CMTM8: variants seen among roughly 807,000 people sequenced by gnomAD.
CMTM8 encodes CKLF like MARVEL transmembrane domain containing 8.
Under a neutral mutation model 18.6 loss-of-function variants are expected in CMTM8, and 12 were observed. The ratio of observed to expected loss-of-function variants is 0.65; its 90% CI spans 0.41 to 1.05. CMTM8 has a LOEUF of 1.05. Ranked by LOEUF, CMTM8 falls within the 50% of genes least tolerant of loss-of-function variation. CMTM8 has a pLI of 0.00. For missense variants in CMTM8, 217 were observed against 227.2 expected (o/e 0.95, Z 0.29); for synonymous variants, 87 against 90.6 (o/e 0.96, Z 0.23).
In CMTM8 at chr3:32,239,046, C is replaced by T; in HGVS notation, c.74C>T (p.Thr25Ile). The change falls in exon 1 of 4, where the codon ACC becomes ATC. Residue 25 changes from threonine to isoleucine, a missense_variant. Thr to Ile is a moderately conservative substitution (Grantham distance 89). Transcript: ENST00000307526. ...TASSFAENFS[T>I]SSSSFAYDRE... ...AGCTCCTTCGCAGAGAACTTCTCCA[C>T]CAGCAGCAGCAGCTTCGCCTACGAC... 6.3e-7 allele frequency: 1 copy of T among 1,590,316 alleles called. No homozygotes were observed. The highest frequency in any genetic ancestry group is 8.6e-7 in the Non-Finnish European group (1 of 1,169,014).
chr3:32,243,531 A>AG (rs1491131456), intron 1 of CMTM8, among the ~76,000 whole-genome samples: 1 of 47,976 alleles, frequency 2.1e-5, no homozygotes, highest in Admixed American at 3.6e-4. Context: ...ACCCTGTCTC[A>AG]AAAAAAAAAA....
chr3:32,285,625 G>A (rs983002566), intron 1 of CMTM8, among the ~76,000 whole-genome samples: 1 of 152,074 alleles, frequency 6.6e-6, no homozygotes, highest in Non-Finnish European at 1.5e-5. Flanking sequence ...ATAAAGTACT[G>A]TAGTTACATA....
At position 32,349,150 on chromosome 3, in the gene CMTM8, C is replaced by A. The variant is rs148919012; in HGVS notation, c.148-8223C>A. On this transcript the variant is annotated intron_variant, in intron 1 of 3. Coordinates refer to ENST00000307526, the MANE Select transcript of CMTM8 (RefSeq NM_178868.5). Reference sequence around the variant, plus strand: ...TTGTTTTTTGGTTTTTGCTCTCTGCCCTGTTATATAGGCTTTGCTTTCTTC... The same window carrying A: ...TTGTTTTTTGGTTTTTGCTCTCTGCACTGTTATATAGGCTTTGCTTTCTTC... Among the ~76,000 whole-genome samples the A allele has an allele frequency of 5.0e-3, 763 of 151,808 alleles. 4 individuals are homozygous for A. Among genetic ancestry groups the A allele is most frequent in the African/African-American group, 0.018 (726 of 41,358 alleles).
At chr3:32,345,078 GC>G (rs1282589103) in intron 1 of CMTM8, among the ~76,000 whole-genome samples, 1 of 152,092 alleles carries the variant, frequency 6.6e-6, no homozygotes, top group Non-Finnish European at 1.5e-5. Context: ...GGTGGCTCAC[GC>G]CTGTAATCCT....
intron 2 of CMTM8, among the ~76,000 whole-genome samples, chr3:32,361,803 A>T (rs997932422): frequency 2.6e-5 from 4 of 152,190 alleles, no homozygotes; most frequent in African/African-American, 9.7e-5. Context: ...TACAACTGTT[A>T]TGATACCATT....
At chr3:32,239,654 G>T (rs1339163097) in intron 1 of CMTM8, among the ~76,000 whole-genome samples, 1 of 152,174 alleles carries the variant, frequency 6.6e-6, no homozygotes, top group Non-Finnish European at 1.5e-5. Context: ...GCATGGTGCT[G>T]TGCACATCCT....
At chr3:32,348,528 A>ATTTTTTTTTT (rs1696644905) in intron 1 of CMTM8, among the ~76,000 whole-genome samples, 1 of 16,258 alleles carries the variant, frequency 6.2e-5, no homozygotes, top group Non-Finnish European at 1.7e-4. Context: ...TCTTCCTGGA[A>ATTTTTTTTTT]CTTTTTTTTT....
intron 1 of CMTM8, among the ~76,000 whole-genome samples, chr3:32,287,151 AG>A (rs1257450597): frequency 6.6e-6 from 1 of 152,184 alleles, no homozygotes; most frequent in South Asian, 2.1e-4. Context: ...AGTTGCTTTG[AG>A]GACTAAAATG....
At chr3:32,298,354 G>A (rs6781306) in intron 1 of CMTM8, among the ~76,000 whole-genome samples, 28,294 of 151,472 alleles carry the variant, frequency 0.19, 2,706 homozygotes, top group South Asian at 0.26. Flanking sequence ...TTACAGGCGT[G>A]AGCCATCACG....
At chr3:32,352,276 G>A (rs546407291) in intron 1 of CMTM8, among the ~76,000 whole-genome samples, 34 of 151,020 alleles carry the variant, frequency 2.3e-4, no homozygotes, top group Middle Eastern at 3.5e-3. Context: ...AGCATTATAA[G>A]CATTCAAAAA....
chr3:32,361,465 G>A (rs148142553), intron 2 of CMTM8, among the ~76,000 whole-genome samples: 150 of 152,150 alleles, frequency 9.9e-4, no homozygotes, highest in Non-Finnish European at 1.2e-3. Context: ...TACCATGTCA[G>A]CTCAGGTCAG....
chr3:32,285,565 G>T (rs964184428), intron 1 of CMTM8, among the ~76,000 whole-genome samples: 1 of 151,834 alleles, frequency 6.6e-6, no homozygotes, highest in African/African-American at 2.4e-5. Flanking sequence ...CGTAAAAATG[G>T]GTGAAATCTA....
At position 32,342,522 on chromosome 3, in the gene CMTM8, G is replaced by T. The variant is rs530704288; in HGVS notation, c.148-14851G>T. On this transcript the variant is annotated intron_variant, in intron 1 of 3. Coordinates refer to ENST00000307526, the MANE Select transcript of CMTM8 (RefSeq NM_178868.5). ...CAGGAACAGGGGCATGCTAACCATGGTATTGAGGTGGACCGTGTGGCATTC... is the reference window on the plus strand; with the variant it reads ...CAGGAACAGGGGCATGCTAACCATGTTATTGAGGTGGACCGTGTGGCATTC... Among the ~76,000 whole-genome samples the T allele has an allele frequency of 5.4e-4, 82 of 152,322 alleles. No homozygotes were observed. The South Asian group carries it at 0.014, about 26-fold the overall frequency.
chr3:32,335,435 C>A (rs1696367417), intron 1 of CMTM8, among the ~76,000 whole-genome samples: 1 of 152,166 alleles, frequency 6.6e-6, no homozygotes, highest in Non-Finnish European at 1.5e-5. Flanking sequence ...CGGAAGCAGA[C>A]CAGCTGGCCT....
chr3:32,327,884 A>G (rs1043674346), intron 1 of CMTM8, among the ~76,000 whole-genome samples: 1 of 152,238 alleles, frequency 6.6e-6, no homozygotes, highest in Non-Finnish European at 1.5e-5. Context: ...ATACATTTGT[A>G]TGCTATAAGG....
chr3:32,342,536 C>A (rs920509410), intron 1 of CMTM8, among the ~76,000 whole-genome samples: 1 of 152,068 alleles, frequency 6.6e-6, no homozygotes, highest in South Asian at 2.1e-4. Context: ...TGAGGTGGAC[C>A]GTGTGGCATT....
chr3:32,296,213 T>C (rs569840719), intron 1 of CMTM8, among the ~76,000 whole-genome samples: 6 of 152,168 alleles, frequency 3.9e-5, no homozygotes, highest in African/African-American at 1.4e-4. Context: ...GCTCAAGTGA[T>C]CCTCCCACCT....
intron 1 of CMTM8, among the ~76,000 whole-genome samples, chr3:32,298,924 CATATATATATATATATGTAT>C (rs1182289132): frequency 2.3e-5 from 2 of 86,574 alleles, no homozygotes; most frequent in African/African-American, 4.1e-5. Context: ...TACACACACA[CATATATATATATATATGTAT>C]ATATATATAT....
rs752821457 is a variant in CMTM8, at chr3:32,302,504, G to A, written c.148-54869G>A. ...GCAAAGATTTCCTTGCCTAAGGGAG[G>A]ATTAGATGAAACAAGGCTCCCAAAA... On this transcript the variant is annotated intron_variant, in intron 1 of 3. Coordinates refer to ENST00000307526, the MANE Select transcript of CMTM8 (RefSeq NM_178868.5). Among the ~76,000 whole-genome samples, 98 of 152,182 alleles carry A rather than the reference G, an allele frequency of 6.4e-4. 1 individual carries two copies. Among genetic ancestry groups the A allele is most frequent in the Non-Finnish European group, 1.2e-3 (79 of 68,030 alleles).
Sources: gnomAD v4.1 joint callset for allele counts (sites outside exome capture counted in the v4.1 genomes callset) on GRCh38, gnomAD v4.1.1 for gene constraint, MANE v1.5 for transcripts, NCBI Gene and HGNC (gene_info 2026-07-23, HGNC 2026-07-21) for gene names.